TNN: variants seen among roughly 807,000 people sequenced by gnomAD.
TNN encodes the protein tenascin N.
A neutral mutation model predicts 134.4 loss-of-function variants in TNN; 122 were observed. The observed-to-expected ratio is 0.91, with a 90% CI of 0.78 to 1.06. TNN has a LOEUF of 1.06. TNN is among the 50% of genes least tolerant of loss of function. The probability of loss-of-function intolerance (pLI) is 0.00; values close to 1 mark genes in which losing one functional copy is unlikely to be tolerated. For synonymous variants in TNN, 710 were observed against 670.3 expected (o/e 1.06, Z -0.91); for missense variants, 1,739 against 1,699.4 (o/e 1.02, Z -0.41).
chr1:175,071,984 C>CTGA (rs1673924189), intron 1 of TNN, among the ~76,000 whole-genome samples: 1 of 152,180 alleles, frequency 6.6e-6, no homozygotes. Flanking sequence ...TCTGTCATCT[C>CTGA]TGAGCTCACA....
intron 7 of TNN, 80 bp from the exon 8 acceptor site, chr1:175,097,337 C>T: frequency 6.5e-7 from 1 of 1,547,092 alleles, no homozygotes; most frequent in Non-Finnish European, 8.8e-7. Flanking sequence ...TTGAGGTTAT[C>T]ACTTTGACTG....
Position 175,077,699 on chromosome 1 carries a change from C to T in TNN, c.281C>T (p.Thr94Met), listed in dbSNP as rs41266080. Residue 94 changes from threonine to methionine, a missense_variant, in exon 2 of 19, where the codon ACG (threonine) becomes ATG (methionine). Transcript: ENST00000239462. ...TTCAGGCACAACATCCGCCTTCAGA[C>T]GCCACAGAAGGACTGCGAGTTGGCA... ...IIFRHNIRLQ[T>M]PQKDCELAGS... The T allele has an allele frequency of 0.012, 19,170 of 1,614,192 alleles. 147 individuals are homozygous for T. The highest frequency in any genetic ancestry group is 0.013 in the Non-Finnish European group (15,766 of 1,180,026).
chr1:175,132,138 C>T (rs1675691067), intron 15 of TNN, among the ~76,000 whole-genome samples: 1 of 152,102 alleles, frequency 6.6e-6, no homozygotes, highest in Non-Finnish European at 1.5e-5. Flanking sequence ...CCTAAAATTC[C>T]ACTGTCCTTG....
chr1:175,117,928 C>G (rs1675227779), intron 10 of TNN, among the ~76,000 whole-genome samples: 1 of 152,168 alleles, frequency 6.6e-6, no homozygotes, highest in African/African-American at 2.4e-5. Flanking sequence ...ATATTTTGTA[C>G]AGTGATTTAA....
In TNN at chr1:175,118,586, C is replaced by T. The variant is rs1297706272; in HGVS notation, c.2412C>T (p.Val804=). 1 of 1,613,878 alleles carries T rather than the reference C, an allele frequency of 6.2e-7. No homozygotes were observed. Among genetic ancestry groups the T allele is most frequent in the Non-Finnish European group, 8.5e-7 (1 of 1,179,958 alleles). The change falls in exon 11 of 19, where the codon GTC becomes GTT. Residue 804 remains valine, a synonymous_variant. Transcript: ENST00000239462. ...ACATTGACAGCCCCCAAAACCTGGT[C>T]ACTGACTGGGTGACAGAGAATACAG... ...QTDIDSPQNL[V]TDWVTENTAT...
intron 12 of TNN, among the ~76,000 whole-genome samples, chr1:175,125,363 TAA>T (rs148596419): frequency 1.4e-5 from 2 of 147,768 alleles, no homozygotes. Context: ...CTTCTTTGGT[TAA>T]AAAAAAAAAG....
intron 17 of TNN, among the ~76,000 whole-genome samples, chr1:175,140,344 C>T (rs1675916415): frequency 6.6e-6 from 1 of 152,222 alleles, no homozygotes; most frequent in Non-Finnish European, 1.5e-5. Flanking sequence ...GGGACCCTCC[C>T]TGGACACAAT....
In TNN at chr1:175,126,936, C is replaced by G. The variant is rs199988440; in HGVS notation, c.2915-19C>G. 2.6e-5 allele frequency: 41 copies of G among 1,596,678 alleles called. No homozygotes were observed. The highest frequency in any genetic ancestry group is 5.4e-5 in the Admixed American group (3 of 55,334). On this transcript the variant is annotated intron_variant, in intron 12 of 18. Transcript: ENST00000239462. ...AGTTGTATCTTAGTAATAACAATTA[C>G]CTGACTTTCTACGTACAGAACTCGA...
rs536104013 is a variant in TNN at position 175,068,764 on chromosome 1, C to T, written c.-36+829C>T. 8.8e-4 allele frequency among the ~76,000 whole-genome samples: 134 copies of T among 152,216 alleles called. 1 individual carries two copies. Among genetic ancestry groups the T allele is most frequent in the African/African-American group, 2.9e-3 (122 of 41,540 alleles). On this transcript the variant is annotated intron_variant, in intron 1 of 18. Transcript: ENST00000239462. ...TCTACTAAAAATACAAAAAATTAGC[C>T]GGGCGTGGTGGCGCATGCCTATAAT...
intron 15 of TNN, among the ~76,000 whole-genome samples, chr1:175,135,010 C>T (rs1353403615): frequency 6.6e-6 from 1 of 152,160 alleles, no homozygotes; most frequent in East Asian, 1.9e-4. Context: ...GCCATCTTCT[C>T]AGCCTCCCTT....
chr1:175,084,544 G>A (rs1674281032), intron 5 of TNN, among the ~76,000 whole-genome samples: 1 of 152,208 alleles, frequency 6.6e-6, no homozygotes, highest in African/African-American at 2.4e-5. Context: ...TTTAAGAAAA[G>A]TAATACGCAA....
At position 175,147,100 on chromosome 1, in the gene TNN, A is replaced by G. The variant is rs760134516; in HGVS notation, c.*29A>G. The G allele has an allele frequency of 6.6e-7, 1 of 1,514,520 alleles. No homozygotes were observed. Among genetic ancestry groups the G allele is most frequent in the Non-Finnish European group, 8.9e-7 (1 of 1,123,022 alleles). The allele number at this position is 1,514,520 out of a possible 1,614,324, so 93.8% of individuals were successfully genotyped here. ...CCCGTGTGAGCAGTCCTCGCAGGAG[A>G]CACCACCAGCTGTGGCAGCTTGGGG... is the stretch of plus-strand genomic sequence containing the variant. On this transcript the variant is annotated 3_prime_UTR_variant, in exon 19 of 19. Coordinates refer to ENST00000239462, the MANE Select transcript of TNN (RefSeq NM_022093.2).
Position 175,118,552 on chromosome 1 carries a change from T to C in TNN, c.2387-9T>C. 1 of 1,612,924 alleles carries C rather than the reference T, an allele frequency of 6.2e-7. No homozygotes were observed. The highest frequency in any genetic ancestry group is 1.1e-5 in the South Asian group (1 of 90,892). ...CATAGTGCATATTGGTCAGCATTTT[T>C]TTTTTCAGACATTGACAGCCCCCAA... On this transcript the variant is annotated splice_polypyrimidine_tract_variant and intron_variant, in intron 10 of 18. Coordinates refer to ENST00000239462, the MANE Select transcript of TNN (RefSeq NM_022093.2).
intron 15 of TNN, among the ~76,000 whole-genome samples, chr1:175,130,812 A>G (rs921833055): frequency 1.3e-5 from 2 of 152,148 alleles, no homozygotes; most frequent in African/African-American, 4.8e-5. Flanking sequence ...GCTCATGCAA[A>G]TGACCCCTCC....
In TNN at chr1:175,105,123, C is replaced by T. The variant is rs1157573697; in HGVS notation, c.2119+6528C>T. Among the ~76,000 whole-genome samples the T allele has an allele frequency of 2.1e-5, 3 of 145,946 alleles. No homozygotes were observed. In the Admixed American group the frequency reaches 2.1e-4, roughly 10 times the overall value. On this transcript the variant is annotated intron_variant, in intron 9 of 18. Coordinates refer to ENST00000239462, the MANE Select transcript of TNN (RefSeq NM_022093.2). The stretch of plus-strand genomic sequence containing the variant: ...AACTCTCAGGCTGCAGCTAAAGCCG[C>T]ATTCTTTTCATTAAAGGCCAGGGTT...
chr1:175,098,193 C>T, intron 8 of TNN, 139 bp from the exon 9 acceptor site: 1 of 1,241,488 alleles, frequency 8.1e-7, no homozygotes, highest in Non-Finnish European at 1.1e-6. Context: ...TCTCCTTAGA[C>T]TCCCAGCGGA....
intron 15 of TNN, among the ~76,000 whole-genome samples, chr1:175,132,069 G>C (rs1050454165): frequency 1.3e-5 from 2 of 152,072 alleles, no homozygotes; most frequent in African/African-American, 4.8e-5. Flanking sequence ...GCCTGACCTT[G>C]TGGTGGGAAC....
chr1:175,120,689 G>A (rs1675327569), intron 11 of TNN, among the ~76,000 whole-genome samples: 1 of 152,126 alleles, frequency 6.6e-6, no homozygotes, highest in South Asian at 2.1e-4. Context: ...TGCAAAAAAG[G>A]CTAGGAAATG....
At chr1:175,071,208 G>T (rs1017825141) in intron 1 of TNN, among the ~76,000 whole-genome samples, 1 of 152,196 alleles carries the variant, frequency 6.6e-6, no homozygotes, top group South Asian at 2.1e-4. Context: ...AAGTATAAAG[G>T]TCTGTAACAG....
Sources: allele counts gnomAD v4.1 joint callset (sites outside exome capture counted in the v4.1 genomes callset), GRCh38; gene constraint gnomAD v4.1.1; transcripts MANE v1.5; gene names NCBI Gene and HGNC (gene_info 2026-07-23, HGNC 2026-07-21).